The following SMARCA4 variants were observed in gnomAD, a reference collection of about 807,000 sequenced individuals.
SMARCA4 encodes the protein SWI/SNF related BAF chromatin remodeling complex subunit ATPase 4.
Under a neutral mutation model 193.9 loss-of-function variants are expected in SMARCA4, and 31 were observed. The ratio of observed to expected loss-of-function variants is 0.16; its 90% CI spans 0.12 to 0.22. The LOEUF is 0.22. SMARCA4 is among the 10% of genes least tolerant of loss of function. The probability of loss-of-function intolerance (pLI) is 1.00; values close to 1 mark genes in which losing one functional copy is unlikely to be tolerated. For missense variants in SMARCA4, 1,148 were observed against 2,296.0 expected, an observed-to-expected ratio of 0.50 and a Z score of 10.22; for synonymous variants, 942 against 933.1, an observed-to-expected ratio of 1.01 and a Z score of -0.17.
chr19:11,043,881 C>T (rs1256847249), intron 30 of SMARCA4, among the ~76,000 whole-genome samples: 1 of 152,066 alleles, frequency 6.6e-6, no homozygotes, highest in Non-Finnish European at 1.5e-5. Context: ...GGAGGCTGGG[C>T]ACGAGAATCG....
chr19:10,986,029 G>A lies in SMARCA4; in HGVS notation c.356-160G>A, dbSNP rs2145765329. On this transcript the variant is annotated intron_variant, in intron 3 of 34. Coordinates refer to ENST00000344626, the MANE Select transcript of SMARCA4 (RefSeq NM_003072.5). The surrounding 1 kb of genome is among the most constrained non-coding windows in gnomAD (Gnocchi z 6.7). ...ACCAGGTCGGCTGCTGGGCTGAGGT[G>A]CCTTCAGCATGTGCCCTCCAGGTGC... 1.3e-5 allele frequency among the ~76,000 whole-genome samples: 2 copies of A among 152,350 alleles called. No individual in the cohort carries two copies. Among genetic ancestry groups the A allele is most frequent in the Middle Eastern group, 6.8e-3 (2 of 294 alleles).
At chr19:10,961,495 C>G (rs370507636) in intron 1 of SMARCA4, 1 of 152,156 alleles carries the variant, frequency 6.6e-6, no homozygotes, top group Non-Finnish European at 1.5e-5. Context: ...CCCGGCACCC[C>G]TACAGTCGCC....
rs748298484 is a variant in SMARCA4, at chr19:10,986,455, C to T, written c.622C>T (p.Arg208Trp). Residue 208 changes from arginine to tryptophan, a missense_variant, in exon 4 of 35, where the codon CGG becomes TGG. Physicochemically the swap from Arg to Trp is moderately radical, Grantham distance 101. Around this residue, in one of 17 missense-constraint regions of SMARCA4, gnomAD observed 257 missense variants for 276.5 expected, o/e 0.93. Transcript: ENST00000344626. The surrounding 1 kb of genome is among the most constrained non-coding windows in gnomAD (Gnocchi z 6.7). ...DHLQMAVQGKRPMPGMQQQMP... is the reference protein window; with the variant it reads ...DHLQMAVQGKWPMPGMQQQMP... ...CCTGCAGATGGCGGTGCAGGGCAAG[C>T]GGCCGATGCCCGGGATGCAGCAGCA... is the stretch of plus-strand genomic sequence containing the variant. 10 of 1,560,212 alleles carry T rather than the reference C, an allele frequency of 6.4e-6. No individual in the cohort carries two copies. The highest frequency in any genetic ancestry group is 3.9e-5 in the Admixed American group (2 of 51,800).
chr19:10,970,914 G>A (rs2084615398), intron 1 of SMARCA4, among the ~76,000 whole-genome samples: 1 of 152,166 alleles, frequency 6.6e-6, no homozygotes, highest in Non-Finnish European at 1.5e-5. Context: ...GAAACGGAGT[G>A]TGGGCCAGGC....
Position 10,987,801 on chromosome 19 carries a change from C to G in SMARCA4, c.995C>G (p.Ser332Cys), listed in dbSNP as rs1013942482. The change falls in exon 6 of 35, where the codon TCC becomes TGC. Residue 332 changes from serine (S) to cysteine (C), a missense_variant. Ser to Cys is a moderately radical substitution (Grantham distance 112). Coordinates refer to ENST00000344626, the MANE Select transcript of SMARCA4 (RefSeq NM_003072.5). This position sits in a 1 kb window ranked among gnomAD's most constrained non-coding sequence, Gnocchi z 5.3. ...ASPVMPPQTQSPGQPAQPAPM... is the reference protein window; with the variant it reads ...ASPVMPPQTQCPGQPAQPAPM... Reference sequence around the variant, plus strand: ...CCCGTGATGCCACCGCAGACCCAGTCCCCCGGGCAGCCGGCCCAGCCCGCG... The same window carrying G: ...CCCGTGATGCCACCGCAGACCCAGTGCCCCGGGCAGCCGGCCCAGCCCGCG... 1 of 1,602,976 alleles carries G rather than the reference C, an allele frequency of 6.2e-7. No homozygotes were observed. Among genetic ancestry groups the G allele is most frequent in the Non-Finnish European group, 8.5e-7 (1 of 1,175,546 alleles).
At chr19:10,989,526 G>A (rs2145853802) in intron 7 of SMARCA4, 83 bp downstream of exon 7, 5 of 1,525,826 alleles carry the variant, frequency 3.3e-6, no homozygotes, top group African/African-American at 2.7e-5. Flanking sequence ...CGGCTTGCCT[G>A]GCTAGTATTA....
chr19:10,991,394 G>A lies in SMARCA4; in HGVS notation c.1419+71G>A, dbSNP rs545423270. 1.3e-5 allele frequency: 20 copies of A among 1,547,152 alleles called. No homozygotes were observed. The East Asian group carries it at 2.4e-4, about 19-fold the overall frequency. ...GCCTGGCTTGTCCAGCGGTTGCCAC[G>A]GGGCTGTGTTTGCTTTGTTCCTAAA... is the stretch of plus-strand genomic sequence containing the variant. On this transcript the variant is annotated intron_variant, in intron 8 of 34. Transcript: ENST00000344626.
intron 18 of SMARCA4, chr19:11,021,510 G>A (rs768577781): frequency 4.6e-5 from 32 of 691,656 alleles, no homozygotes; most frequent in African/African-American, 3.5e-4. Flanking sequence ...ATGGGGTCAC[G>A]GGCCTGTCTC....
Position 10,991,357 on chromosome 19 carries a change from G to A in SMARCA4, c.1419+34G>A, listed in dbSNP as rs1385542909. 9.6e-6 allele frequency: 15 copies of A among 1,560,948 alleles called. No individual in the cohort carries two copies. The South Asian group carries it at 1.1e-4, about 11-fold the overall frequency. On this transcript the variant is annotated intron_variant, in intron 8 of 34. Coordinates refer to ENST00000344626, the MANE Select transcript of SMARCA4 (RefSeq NM_003072.5). The stretch of plus-strand genomic sequence containing the variant: ...CGGTGGCCCCAAGGCCCTGCAGCCC[G>A]CCCACCTGGCTGCCTGGCTTGTCCA...
At position 11,027,817 on chromosome 19, in the gene SMARCA4, G is replaced by A. The variant is rs1600335341; in HGVS notation, c.3249G>A (p.Glu1083=). The change falls in exon 24 of 35, where the codon GAG becomes GAA. Residue 1083 remains glutamate, a synonymous_variant. Coordinates refer to ENST00000344626, the MANE Select transcript of SMARCA4 (RefSeq NM_003072.5). ...TGTACCGAGCCTCGGGTAAATTTGA[G>A]CTTCTTGATAGAATTCTTCCCAAAC... ...LDLYRASGKF[E]LLDRILPKLR... is the part of the protein sequence containing the mutation. The A allele has an allele frequency of 1.9e-6, 3 of 1,614,120 alleles. No homozygotes were observed. The highest frequency in any genetic ancestry group is 1.7e-6 in the Non-Finnish European group (2 of 1,180,034).
chr19:11,016,462 C>T (rs955157540), intron 16 of SMARCA4, among the ~76,000 whole-genome samples: 7 of 152,164 alleles, frequency 4.6e-5, no homozygotes, highest in Non-Finnish European at 7.3e-5. Flanking sequence ...TGTTTCTGTC[C>T]GCTCTTCTCT....
intron 34 of SMARCA4, among the ~76,000 whole-genome samples, chr19:11,060,775 T>C (rs2076818596): frequency 6.6e-6 from 1 of 152,154 alleles, no homozygotes; most frequent in South Asian, 2.1e-4. Context: ...CTGCATGGAT[T>C]AGGGGGCTGC....
intron 29 of SMARCA4, among the ~76,000 whole-genome samples, chr19:11,037,745 G>T (rs2075351525): frequency 6.6e-6 from 1 of 152,056 alleles, no homozygotes; most frequent in Non-Finnish European, 1.5e-5. Context: ...TCCTAGGAGG[G>T]TTATAATTTG....
chr19:10,966,036 A>G lies in SMARCA4; in HGVS notation c.-32+4862A>G, dbSNP rs576103395. 1.9e-3 allele frequency among the ~76,000 whole-genome samples: 255 copies of G among 134,618 alleles called. 1 individual carries two copies. Among genetic ancestry groups the G allele is most frequent in the Middle Eastern group, 9.1e-3 (2 of 220 alleles). 88.3% of individuals were successfully genotyped at this position (134,618 alleles called of 152,430 possible). On this transcript the variant is annotated intron_variant, in intron 1 of 34. Transcript: ENST00000344626. ...TCGCTCTTGTTGCCCAGGCTGGAGC[A>G]CAATGATGCGGTCCTGGCTCACTGC...
intron 1 of SMARCA4, among the ~76,000 whole-genome samples, chr19:10,962,468 GGCAGGGGATCGGTGGTA>G (rs2083888722): frequency 6.6e-6 from 1 of 152,258 alleles, no homozygotes; most frequent in East Asian, 1.9e-4. Context: ...ACAGCGGACA[GGCAGGGGATCGGTGGTA>G]GCCAGAGATC....
intron 18 of SMARCA4, chr19:11,021,358 C>T (rs372943351): frequency 2.7e-6 from 1 of 375,982 alleles, no homozygotes; most frequent in Non-Finnish European, 5.2e-6. Context: ...TCCACACCAG[C>T]AGGACAAGTC....
intron 1 of SMARCA4, among the ~76,000 whole-genome samples, chr19:10,966,787 C>T (rs1281561513): frequency 6.6e-6 from 1 of 152,008 alleles, no homozygotes; most frequent in Non-Finnish European, 1.5e-5. Flanking sequence ...ACTTGTGAGA[C>T]TGAGGCAGGA....
At chr19:10,962,637 G>T (rs1306896485) in intron 1 of SMARCA4, among the ~76,000 whole-genome samples, 1 of 152,090 alleles carries the variant, frequency 6.6e-6, no homozygotes, top group East Asian at 1.9e-4. Context: ...CCGCCTCCTG[G>T]GTTCAAGCGA....
At chr19:11,018,126 C>T (rs1239615348) in intron 16 of SMARCA4, among the ~76,000 whole-genome samples, 2 of 152,224 alleles carry the variant, frequency 1.3e-5, no homozygotes, top group Admixed American at 6.5e-5. Flanking sequence ...CCTCGTGGAG[C>T]TGCTTGGGGG....
Sources: allele counts gnomAD v4.1 joint callset (sites outside exome capture counted in the v4.1 genomes callset), GRCh38; gene constraint gnomAD v4.1.1; regional missense constraint gnomAD v4.1.1; non-coding constraint Gnocchi (gnomAD v3.1); transcripts MANE v1.5; gene names NCBI Gene and HGNC (gene_info 2026-07-23, HGNC 2026-07-21).